The following ASB4 variants were observed in gnomAD, a reference collection of about 807,000 sequenced individuals.
ASB4 encodes ankyrin repeat and SOCS box containing 4, also known as ankyrin repeat and SOCS box protein 4.
In ASB4, 35 loss-of-function variants were observed where a neutral mutation model predicts 38.6. The ratio of observed to expected loss-of-function variants is 0.91; its 90% CI spans 0.69 to 1.20. The LOEUF is 1.20. Ranked by LOEUF, ASB4 falls within the 50% of genes most tolerant of loss-of-function variation. The pLI is 0.00. For missense variants in ASB4, 557 were observed against 527.2 expected (o/e 1.06, Z -0.55); for synonymous variants, 195 against 201.3 (o/e 0.97, Z 0.26).
chr7:95,540,856 G>A (rs997917347), downstream of ASB4, among the ~76,000 whole-genome samples: 18 of 152,148 alleles, frequency 1.2e-4, no homozygotes, highest in Non-Finnish European at 2.4e-4. Flanking sequence ...GTAGTCGAAC[G>A]ATGATTGTAG....
At chr7:95,519,239 A>G (rs965100398) in intron 2 of ASB4, among the ~76,000 whole-genome samples, 2 of 152,216 alleles carry the variant, frequency 1.3e-5, no homozygotes, top group African/African-American at 4.8e-5. Context: ...TTCATGACAT[A>G]CTCGACACTG....
intron 3 of ASB4, among the ~76,000 whole-genome samples, chr7:95,530,227 G>A (rs1790801427): frequency 1.3e-5 from 2 of 151,970 alleles, no homozygotes; most frequent in Admixed American, 1.3e-4. Flanking sequence ...TTGGGAGGCT[G>A]AGGCGGGCGG....
chr7:95,527,240 G>A (rs1378948213), intron 2 of ASB4, among the ~76,000 whole-genome samples: 1 of 152,018 alleles, frequency 6.6e-6, no homozygotes, highest in Admixed American at 6.6e-5. Context: ...GTGGTGCTGC[G>A]TTCCAAGAAA....
At chr7:95,548,003 T>C in the ASB4 span, among the ~76,000 whole-genome samples, 82,052 of 152,098 alleles carry the variant, frequency 0.54, 23,112 homozygotes, top group East Asian at 0.82. Flanking sequence ...CTTTGGAGAG[T>C]CTTGACTAAT....
Position 95,505,967 on chromosome 7 carries a change from C to T in ASB4, c.487+9910C>T, listed in dbSNP as rs552675431. ...AGAATGCAGTGGCATGACCATGGTT[C>T]ACTGCAGGTTTGACTTCCCAGGCTC... On this transcript the variant is annotated intron_variant, in intron 2 of 4. Transcript: ENST00000325885. Among the ~76,000 whole-genome samples, 138 of 152,256 alleles carry T rather than the reference C, an allele frequency of 9.1e-4. 1 individual carries two copies. The South Asian group carries it at 0.027, about 30-fold the overall frequency.
intron 2 of ASB4, among the ~76,000 whole-genome samples, chr7:95,504,611 T>C (rs529213995): frequency 8.9e-4 from 136 of 152,332 alleles, no homozygotes; most frequent in African/African-American, 3.2e-3. Context: ...GAATTTAATG[T>C]TGTCATCAAA....
At chr7:95,502,555 A>G (rs1790356544) in intron 2 of ASB4, among the ~76,000 whole-genome samples, 1 of 152,144 alleles carries the variant, frequency 6.6e-6, no homozygotes, top group African/African-American at 2.4e-5. Context: ...TTATCTCTGA[A>G]CTAGGTTATA....
At position 95,537,611 on chromosome 7, in the gene ASB4, G is replaced by A. The variant is rs142735600; in HGVS notation, c.1133G>A (p.Cys378Tyr). 5.3e-5 allele frequency: 86 copies of A among 1,612,488 alleles called. No homozygotes were observed. The African/African-American group carries it at 9.2e-4, about 17-fold the overall frequency. Residue 378 changes from cysteine to tyrosine, a missense_variant, in exon 5 of 5, where the codon TGT becomes TAT. Cys to Tyr is a radical substitution (Grantham distance 194). Transcript: ENST00000325885. ...DFYHSLFTVC[C>Y]NSPRTLMHLS... ...TACCACTCTCTCTTTACTGTGTGCT[G>A]TAACTCTCCAAGGACTCTCATGCAC... is the stretch of plus-strand genomic sequence containing the variant.
At chr7:95,518,393 T>C (rs1408254570) in intron 2 of ASB4, among the ~76,000 whole-genome samples, 1 of 152,230 alleles carries the variant, frequency 6.6e-6, no homozygotes, top group Non-Finnish European at 1.5e-5. Context: ...GGCGAAGCCA[T>C]AAGACCAAGG....
chr7:95,529,405 G>T (rs1425680859), intron 3 of ASB4, among the ~76,000 whole-genome samples: 1 of 152,202 alleles, frequency 6.6e-6, no homozygotes. Context: ...TAAGTTCTAC[G>T]TCTTACCTGG....
intron 2 of ASB4, among the ~76,000 whole-genome samples, chr7:95,508,574 T>A (rs561631291): frequency 5.8e-4 from 89 of 152,308 alleles, no homozygotes; most frequent in African/African-American, 1.7e-3. Context: ...TTTGCCTTTA[T>A]GATGCTACTA....
intron 3 of ASB4, among the ~76,000 whole-genome samples, chr7:95,530,106 A>C (rs1335488542): frequency 2.6e-5 from 1 of 38,448 alleles, no homozygotes. Flanking sequence ...AAAGCAGGGC[A>C]AAAAAAAAAA....
chr7:95,510,380 A>G (rs1040792794), intron 2 of ASB4, among the ~76,000 whole-genome samples: 6 of 152,000 alleles, frequency 3.9e-5, no homozygotes, highest in African/African-American at 1.4e-4. Flanking sequence ...AGTGATTGAA[A>G]AAGATATATT....
chr7:95,490,537 G>A (rs1322772422), intron 1 of ASB4, among the ~76,000 whole-genome samples: 1 of 152,220 alleles, frequency 6.6e-6, no homozygotes, highest in Non-Finnish European at 1.5e-5. Context: ...ATCCAGCCAC[G>A]AGCAGTGTGT....
chr7:95,472,617 T>G, the ASB4 span, among the ~76,000 whole-genome samples: 1 of 152,142 alleles, frequency 6.6e-6, no homozygotes, highest in East Asian at 1.9e-4. Context: ...CTCTCACTAA[T>G]AGGGGTTTTA....
intron 2 of ASB4, among the ~76,000 whole-genome samples, chr7:95,525,245 G>T (rs1790721112): frequency 6.6e-6 from 1 of 152,208 alleles, no homozygotes; most frequent in Admixed American, 6.5e-5. Flanking sequence ...CCAGTCTCCA[G>T]AGGTGTGGGA....
At chr7:95,548,268 T>C in the ASB4 span, among the ~76,000 whole-genome samples, 1 of 152,220 alleles carries the variant, frequency 6.6e-6, no homozygotes, top group Non-Finnish European at 1.5e-5. Context: ...GATAGGTAAA[T>C]AGTGATAAGT....
At chr7:95,504,398 C>T (rs1275779989) in intron 2 of ASB4, among the ~76,000 whole-genome samples, 1 of 152,200 alleles carries the variant, frequency 6.6e-6, no homozygotes, top group African/African-American at 2.4e-5. Flanking sequence ...CATGGTAAGG[C>T]AAGATGTCAC....
At chr7:95,547,335 C>A in the ASB4 span, among the ~76,000 whole-genome samples, 3 of 152,178 alleles carry the variant, frequency 2.0e-5, no homozygotes, top group African/African-American at 7.2e-5. Flanking sequence ...TGTACTGTTT[C>A]TATCACCATG....
Sources: gnomAD v4.1 joint callset for allele counts (sites outside exome capture counted in the v4.1 genomes callset) on GRCh38, gnomAD v4.1.1 for gene constraint, MANE v1.5 for transcripts, NCBI Gene and HGNC (gene_info 2026-07-23, HGNC 2026-07-21) for gene names.